NOCT: variants seen among roughly 807,000 people sequenced by gnomAD.
NOCT encodes nocturnin.
In NOCT, 18 loss-of-function variants were observed where a neutral mutation model predicts 35.0. That is an observed-to-expected ratio of 0.51 (90% CI 0.36 to 0.76). NOCT has a LOEUF of 0.76. NOCT is among the 30% of genes least tolerant of loss of function. The pLI, the probability that NOCT is intolerant of heterozygous loss-of-function variation, is 0.01. For synonymous variants in NOCT, 235 were observed against 226.3 expected (o/e 1.04, Z -0.34); for missense variants, 479 against 541.0 (o/e 0.89, Z 1.14).
chr4:139,020,926 T>C (rs1228172572), intron 1 of NOCT, among the ~76,000 whole-genome samples: 1 of 151,712 alleles, frequency 6.6e-6, no homozygotes, highest in Non-Finnish European at 1.5e-5. Context: ...AATAGCCAAG[T>C]GTGGTGGTGC....
intron 1 of NOCT, among the ~76,000 whole-genome samples, chr4:139,041,663 T>TG (rs769682411): frequency 1.1e-4 from 16 of 152,216 alleles, no homozygotes; most frequent in Non-Finnish European, 1.9e-4. Flanking sequence ...TGGTGCTTCC[T>TG]GCATTTTTCC....
At chr4:139,024,066 TA>T (rs1265372930) in intron 1 of NOCT, among the ~76,000 whole-genome samples, 6 of 132,326 alleles carry the variant, frequency 4.5e-5, no homozygotes, top group African/African-American at 1.4e-4. Flanking sequence ...TTTTTTTTTT[TA>T]AATTATTTTA....
Position 139,024,953 on chromosome 4 carries a change from G to A in NOCT, c.190+8782G>A, listed in dbSNP as rs181507615. Reference sequence around the variant, plus strand: ...GGTAATCTGGAGAACGGGCAGCCAGGCTTCCTTGTTGAATGCGTGAGAGGG... The same window carrying A: ...GGTAATCTGGAGAACGGGCAGCCAGACTTCCTTGTTGAATGCGTGAGAGGG... On this transcript the variant is annotated intron_variant, in intron 1 of 2. Transcript: ENST00000280614. Among the ~76,000 whole-genome samples, 26 of 152,278 alleles carry A rather than the reference G, an allele frequency of 1.7e-4. No individual in the cohort carries two copies. The East Asian group carries it at 4.4e-3, about 26-fold the overall frequency.
chr4:139,038,156 CG>C (rs1445180352), intron 1 of NOCT, among the ~76,000 whole-genome samples: 1 of 151,510 alleles, frequency 6.6e-6, no homozygotes, highest in Admixed American at 6.6e-5. Flanking sequence ...GCCGAGATCA[CG>C]CCACTGCATT....
chr4:139,040,291 C>A (rs1208219330), intron 1 of NOCT, among the ~76,000 whole-genome samples: 1 of 151,672 alleles, frequency 6.6e-6, no homozygotes, highest in African/African-American at 2.4e-5. Flanking sequence ...GCGCCCGCCT[C>A]GGCCTCCCAA....
chr4:139,031,928 G>A (rs550775528), intron 1 of NOCT, among the ~76,000 whole-genome samples: 6 of 151,886 alleles, frequency 4.0e-5, no homozygotes, highest in Admixed American at 6.6e-5. Flanking sequence ...GTTCAGGCTC[G>A]TCTCGAACTC....
chr4:139,027,600 C>T (rs1726547220), intron 1 of NOCT, among the ~76,000 whole-genome samples: 1 of 151,902 alleles, frequency 6.6e-6, no homozygotes, highest in East Asian at 1.9e-4. Context: ...CCCGGGTTCA[C>T]TCCATTCTCC....
At chr4:139,031,049 C>T (rs559590462) in intron 1 of NOCT, among the ~76,000 whole-genome samples, 31 of 152,216 alleles carry the variant, frequency 2.0e-4, no homozygotes, top group Admixed American at 3.3e-4. Context: ...AGTAATTAGA[C>T]GCTGAATGGT....
chr4:139,022,546 G>C (rs752542700), intron 1 of NOCT, among the ~76,000 whole-genome samples: 1 of 152,072 alleles, frequency 6.6e-6, no homozygotes, highest in Non-Finnish European at 1.5e-5. Context: ...CATAGGCTCC[G>C]GGTAGACAAC....
At chr4:139,029,532 TGG>T (rs1726587314) in intron 1 of NOCT, among the ~76,000 whole-genome samples, 3 of 152,234 alleles carry the variant, frequency 2.0e-5, no homozygotes, top group African/African-American at 7.2e-5. Flanking sequence ...ATAACAGACT[TGG>T]AGACTGGTCG....
intron 1 of NOCT, among the ~76,000 whole-genome samples, chr4:139,021,746 C>G (rs1726418192): frequency 7.1e-6 from 1 of 141,362 alleles, no homozygotes; most frequent in Admixed American, 7.6e-5. Context: ...TCACTGGTGA[C>G]TAATTACAGT....
At chr4:139,019,315 A>G (rs531933770) in intron 1 of NOCT, among the ~76,000 whole-genome samples, 17 of 152,268 alleles carry the variant, frequency 1.1e-4, no homozygotes, top group South Asian at 1.0e-3. Flanking sequence ...TGGCCTTCCA[A>G]AGTGCTGGGA....
intron 2 of NOCT, among the ~76,000 whole-genome samples, chr4:139,044,405 C>G (rs771425477): frequency 9.9e-5 from 15 of 152,130 alleles, no homozygotes; most frequent in African/African-American, 1.4e-4. Context: ...ATCTTAATAT[C>G]CTGGAATATA....
chr4:139,024,846 G>A (rs894211803), intron 1 of NOCT, among the ~76,000 whole-genome samples: 22 of 152,052 alleles, frequency 1.4e-4, no homozygotes, highest in African/African-American at 5.3e-4. Flanking sequence ...TCAAGTGATC[G>A]GCCCACCCCG....
chr4:139,035,979 G>A (rs1025291000), intron 1 of NOCT, among the ~76,000 whole-genome samples: 3 of 152,066 alleles, frequency 2.0e-5, no homozygotes, highest in Admixed American at 6.6e-5. Flanking sequence ...ATCTTTTGGC[G>A]AGGCCTCCTT....
intron 1 of NOCT, among the ~76,000 whole-genome samples, chr4:139,034,902 T>C (rs1726701871): frequency 6.6e-6 from 1 of 152,208 alleles, no homozygotes; most frequent in African/African-American, 2.4e-5. Context: ...TCATGTTGTT[T>C]TTGCAGATTT....
At chr4:139,028,442 A>G (rs1333043603) in intron 1 of NOCT, 1 of 152,320 alleles carries the variant, frequency 6.6e-6, no homozygotes, top group African/African-American at 2.4e-5. Flanking sequence ...TTCACTTGAT[A>G]TCTCTGGTAA....
chr4:139,037,529 G>A (rs1726756642), intron 1 of NOCT, among the ~76,000 whole-genome samples: 3 of 152,116 alleles, frequency 2.0e-5, no homozygotes, highest in East Asian at 1.9e-4. Flanking sequence ...CTCAGCCTCC[G>A]AAAATGCTAG....
Position 139,036,279 on chromosome 4 carries a change from G to A in NOCT, c.191-6795G>A, listed in dbSNP as rs549653251. ...GAGATATTTAATTTTTTTCTCTAGA[G>A]AGACAGAGTCTTGCTATTTTGCCCA... On this transcript the variant is annotated intron_variant, in intron 1 of 2. Transcript: ENST00000280614. Among the ~76,000 whole-genome samples the A allele has an allele frequency of 2.5e-3, 375 of 152,160 alleles. 1 individual carries two copies. The highest frequency in any genetic ancestry group is 4.4e-3 in the Non-Finnish European group (299 of 68,016).
Sources: allele counts gnomAD v4.1 joint callset (sites outside exome capture counted in the v4.1 genomes callset), GRCh38; gene constraint gnomAD v4.1.1; transcripts MANE v1.5; gene names NCBI Gene and HGNC (gene_info 2026-07-23, HGNC 2026-07-21).